CACNA2D3: variants seen among roughly 807,000 people sequenced by gnomAD.
CACNA2D3 encodes the protein voltage-dependent calcium channel subunit alpha-2/delta-3.
Under a neutral mutation model 160.6 loss-of-function variants are expected in CACNA2D3, and 60 were observed. That is an observed-to-expected ratio of 0.37 (90% CI 0.30 to 0.46). The LOEUF (loss-of-function observed/expected upper bound fraction) is 0.46, where lower values mean the gene tolerates loss of function less well. Among genes scored for constraint, CACNA2D3 ranks in the 20% least tolerant of loss-of-function variants. The pLI, the probability that CACNA2D3 is intolerant of heterozygous loss-of-function variation, is 1.00. For synonymous variants in CACNA2D3, 558 were observed against 492.9 expected (o/e 1.13, Z -1.75); for missense variants, 1,205 against 1,365.0 (o/e 0.88, Z 1.85).
At chr3:54,646,834 C>T (rs1030299432) in intron 11 of CACNA2D3, among the ~76,000 whole-genome samples, 4 of 152,130 alleles carry the variant, frequency 2.6e-5, no homozygotes, top group Admixed American at 6.5e-5. Context: ...GGAATAACCA[C>T]ACGGTCTTCC....
At chr3:54,716,783 A>G (rs1315549383) in intron 11 of CACNA2D3, among the ~76,000 whole-genome samples, 1 of 152,142 alleles carries the variant, frequency 6.6e-6, no homozygotes, top group Non-Finnish European at 1.5e-5. Flanking sequence ...CCCTTTGGGC[A>G]TAGTGAATTT....
At chr3:54,453,804 A>T (rs916025205) in intron 4 of CACNA2D3, among the ~76,000 whole-genome samples, 1 of 152,206 alleles carries the variant, frequency 6.6e-6, no homozygotes, top group Non-Finnish European at 1.5e-5. Context: ...ATATTTGCAC[A>T]AAAGTCCTGG....
At chr3:54,993,854 C>CT (rs60130693) in intron 31 of CACNA2D3, among the ~76,000 whole-genome samples, 1,213 of 114,600 alleles carry the variant, frequency 0.011, 16 homozygotes, top group African/African-American at 0.028. Flanking sequence ...CTCTCTCTCT[C>CT]TTTTTTTTTT....
chr3:54,494,864 A>G (rs1233553905), intron 4 of CACNA2D3, among the ~76,000 whole-genome samples: 1 of 152,166 alleles, frequency 6.6e-6, no homozygotes, highest in African/African-American at 2.4e-5. Flanking sequence ...ATGAAGGGGC[A>G]TACTTATCAA....
At chr3:54,695,545 A>C (rs1235330511) in intron 11 of CACNA2D3, among the ~76,000 whole-genome samples, 1 of 152,152 alleles carries the variant, frequency 6.6e-6, no homozygotes, top group East Asian at 1.9e-4. Context: ...CTATTAATGC[A>C]CATCCCCACC....
At chr3:54,846,053 C>G (rs1698924572) in intron 16 of CACNA2D3, among the ~76,000 whole-genome samples, 1 of 151,966 alleles carries the variant, frequency 6.6e-6, no homozygotes, top group Non-Finnish European at 1.5e-5. Flanking sequence ...GTTCTGTGCA[C>G]TTGGACATAG....
At chr3:54,128,519 G>A (rs529533755) in intron 2 of CACNA2D3, among the ~76,000 whole-genome samples, 1 of 152,268 alleles carries the variant, frequency 6.6e-6, no homozygotes, top group African/African-American at 2.4e-5. Context: ...ACCTAAAGAA[G>A]TGTACATTTT....
intron 11 of CACNA2D3, among the ~76,000 whole-genome samples, chr3:54,739,796 G>GTGTGTGTGT (rs1260011068): frequency 8.0e-6 from 1 of 124,724 alleles, no homozygotes; most frequent in Middle Eastern, 3.8e-3. Flanking sequence ...TGTGTGTGTG[G>GTGTGTGTGT]AATTATATAT....
intron 5 of CACNA2D3, among the ~76,000 whole-genome samples, chr3:54,537,641 G>A (rs922587185): frequency 6.6e-6 from 1 of 152,090 alleles, no homozygotes; most frequent in African/African-American, 2.4e-5. Context: ...GAAGACATGG[G>A]ATGCCACATT....
chr3:54,327,582 A>G (rs973535003), intron 3 of CACNA2D3, among the ~76,000 whole-genome samples: 10 of 152,186 alleles, frequency 6.6e-5, no homozygotes, highest in Non-Finnish European at 1.5e-4. Context: ...TGTGTTTTCT[A>G]TGTCTACTGT....
At chr3:54,381,750 G>C (rs1699106467) in intron 3 of CACNA2D3, among the ~76,000 whole-genome samples, 1 of 152,122 alleles carries the variant, frequency 6.6e-6, no homozygotes, top group Non-Finnish European at 1.5e-5. Flanking sequence ...ATTCCCCTTG[G>C]CAGCTTCGCC....
At chr3:54,692,709 A>C (rs1001045368) in intron 11 of CACNA2D3, among the ~76,000 whole-genome samples, 2 of 152,024 alleles carry the variant, frequency 1.3e-5, no homozygotes, top group African/African-American at 4.8e-5. Flanking sequence ...ACCTGTATCA[A>C]CTCACCAAAA....
At position 54,464,809 on chromosome 3, in the gene CACNA2D3, C is replaced by G. The variant is rs145076346; in HGVS notation, c.382-38683C>G. 2.4e-3 allele frequency among the ~76,000 whole-genome samples: 369 copies of G among 152,338 alleles called. 3 individuals carry two copies. The highest frequency in any genetic ancestry group is 8.5e-3 in the African/African-American group (353 of 41,592). On this transcript the variant is annotated intron_variant, in intron 4 of 37. Coordinates refer to ENST00000474759, the MANE Select transcript of CACNA2D3 (RefSeq NM_018398.3). ...TCCTGCGCCCACTGTCTGGCACTCC[C>G]TAGTGAGATGAACCCGGTACCTCAG...
chr3:54,725,277 T>C (rs373559879), intron 11 of CACNA2D3, among the ~76,000 whole-genome samples: 4 of 152,274 alleles, frequency 2.6e-5, no homozygotes, highest in South Asian at 4.1e-4. Context: ...ATTAATAGCC[T>C]ACCAACCAAA....
At chr3:54,938,904 C>T (rs574112002) in intron 27 of CACNA2D3, among the ~76,000 whole-genome samples, 3 of 151,984 alleles carry the variant, frequency 2.0e-5, no homozygotes, top group African/African-American at 4.8e-5. Flanking sequence ...CATGCTGTCC[C>T]GCTGAAGCTG....
rs79148351 is a variant in CACNA2D3 at position 54,141,849 on chromosome 3, A to G, written c.204+18255A>G. Among the ~76,000 whole-genome samples, 680 of 152,352 alleles carry G rather than the reference A, an allele frequency of 4.5e-3. 5 individuals carry two copies. Among genetic ancestry groups the G allele is most frequent in the African/African-American group, 0.016 (651 of 41,568 alleles). ...CATTTATTCATTCGTTTATTCAACAAACATTTTTGCATCTTGCTACTCTGT... is the reference window on the plus strand; with the variant it reads ...CATTTATTCATTCGTTTATTCAACAGACATTTTTGCATCTTGCTACTCTGT... On this transcript the variant is annotated intron_variant, in intron 2 of 37. Transcript: ENST00000474759.
chr3:54,979,795 G>T (rs1275837954), intron 29 of CACNA2D3, among the ~76,000 whole-genome samples: 1 of 152,008 alleles, frequency 6.6e-6, no homozygotes, highest in Non-Finnish European at 1.5e-5. Flanking sequence ...CAATAGCACT[G>T]TCAGAGTTCT....
At chr3:54,903,163 C>T (rs1056827871) in intron 27 of CACNA2D3, among the ~76,000 whole-genome samples, 1 of 152,100 alleles carries the variant, frequency 6.6e-6, no homozygotes, top group African/African-American at 2.4e-5. Context: ...AGGTATTAAG[C>T]CTGGTACCCA....
intron 10 of CACNA2D3, among the ~76,000 whole-genome samples, chr3:54,641,423 T>A (rs1028506431): frequency 6.6e-6 from 1 of 152,156 alleles, no homozygotes; most frequent in Non-Finnish European, 1.5e-5. Context: ...TTTTGTTATG[T>A]AGATGAAGCC....
Sources: allele counts gnomAD v4.1 joint callset (sites outside exome capture counted in the v4.1 genomes callset), GRCh38; gene constraint gnomAD v4.1.1; transcripts MANE v1.5; gene names NCBI Gene and HGNC (gene_info 2026-07-23, HGNC 2026-07-21).